The following CD99L2 variants were observed in gnomAD, a reference collection of about 807,000 sequenced individuals.
CD99L2 encodes the protein CD99 molecule like 2, also known as CD99 antigen-like protein 2.
CD99L2 carries 24 observed loss-of-function variants against 27.3 expected under a neutral mutation model. That is an observed-to-expected ratio of 0.88 (90% CI 0.64 to 1.24). CD99L2 has a LOEUF of 1.24. CD99L2 is among the 50% of genes most tolerant of loss of function. The pLI is 0.00. For missense variants in CD99L2, 255 were observed against 221.6 expected, an observed-to-expected ratio of 1.15 and a Z score of -0.96; for synonymous variants, 97 against 87.9, an observed-to-expected ratio of 1.10 and a Z score of -0.58.
intron 7 of CD99L2, among the ~76,000 whole-genome samples, chrX:150,783,133 G>A (rs931416862): frequency 2.0e-5 from 2 of 98,575 alleles, no homozygotes; most frequent in Non-Finnish European, 4.1e-5. Flanking sequence ...ATCACACACC[G>A]GGGCCTGTCG....
At chrX:150,785,572 C>T (rs782037245) in intron 7 of CD99L2, among the ~76,000 whole-genome samples, 1 of 111,307 alleles carries the variant, frequency 9.0e-6, no homozygotes, top group Non-Finnish European at 1.9e-5. Flanking sequence ...GACAGATGCA[C>T]ACAACTATGA....
intron 1 of CD99L2, among the ~76,000 whole-genome samples, chrX:150,885,486 A>G (rs1047329520): frequency 3.6e-5 from 4 of 112,378 alleles, no homozygotes; most frequent in Non-Finnish European, 7.5e-5. Context: ...GTTTGATGCC[A>G]ATAATGTGAA....
intron 1 of CD99L2, among the ~76,000 whole-genome samples, chrX:150,867,892 C>CAAA (rs782516457): frequency 1.0e-4 from 2 of 19,231 alleles, no homozygotes; most frequent in Non-Finnish European, 1.6e-4. Flanking sequence ...GACTCTGTCT[C>CAAA]AAAAAAAAAA....
chrX:150,780,575 G>A (rs1389355526), intron 7 of CD99L2, among the ~76,000 whole-genome samples: 2 of 111,424 alleles, frequency 1.8e-5, no homozygotes, highest in African/African-American at 6.5e-5. Flanking sequence ...TGAATAAAAT[G>A]TTTATGGAAT....
At chrX:150,857,358 A>ACC (rs1169490738) in intron 1 of CD99L2, among the ~76,000 whole-genome samples, 4 of 110,854 alleles carry the variant, frequency 3.6e-5, no homozygotes, top group African/African-American at 1.3e-4. Flanking sequence ...ACCCATAAAA[A>ACC]CAGCAAGAGA....
At chrX:150,836,366 G>A (rs1557421195) in intron 1 of CD99L2, among the ~76,000 whole-genome samples, 1 of 110,278 alleles carries the variant, frequency 9.1e-6, no homozygotes, top group African/African-American at 3.3e-5. Context: ...TTTCCGAGAT[G>A]GAGTTTCGCT....
At chrX:150,845,662 A>G (rs1325689320) in intron 1 of CD99L2, among the ~76,000 whole-genome samples, 1 of 111,658 alleles carries the variant, frequency 9.0e-6, no homozygotes, top group African/African-American at 3.3e-5. Context: ...GGGGTCCTAG[A>G]GCAATCACTT....
intron 4 of CD99L2, among the ~76,000 whole-genome samples, chrX:150,802,301 C>T (rs1191970868): frequency 2.7e-5 from 3 of 111,048 alleles, no homozygotes; most frequent in African/African-American, 6.5e-5. Flanking sequence ...CGGTGGCTCA[C>T]GCCTATAATG....
rs183581961 is a variant in CD99L2 at position 150,884,944 on chromosome X, C to T, written c.67+13578G>A. Among the ~76,000 whole-genome samples the T allele has an allele frequency of 1.5e-4, 17 of 112,040 alleles. No homozygotes were observed. In the East Asian group the frequency reaches 4.5e-3, roughly 29 times the overall value. ...CAAACAGTGGAATAACATATAGCAA[C>T]GAAAACAAATGAACTACAGTGACAC... On this transcript the variant is annotated intron_variant, in intron 1 of 10. Coordinates refer to ENST00000370377, the MANE Select transcript of CD99L2 (RefSeq NM_031462.4).
At chrX:150,848,361 G>T (rs1444350690) in intron 1 of CD99L2, among the ~76,000 whole-genome samples, 1 of 110,241 alleles carries the variant, frequency 9.1e-6, no homozygotes, top group South Asian at 3.8e-4. Flanking sequence ...AGAGATAGAT[G>T]GTAGAATGAT....
chrX:150,897,526 A>AGTGTGTGTGTGTGT (rs58656065), intron 1 of CD99L2, among the ~76,000 whole-genome samples: 83 of 103,839 alleles, frequency 8.0e-4, no homozygotes, highest in African/African-American at 2.6e-3. Flanking sequence ...ACTAGGACAA[A>AGTGTGTGTGTGTGT]GTGTGTGTGT....
chrX:150,887,453 T>G (rs1361510322), intron 1 of CD99L2, among the ~76,000 whole-genome samples: 3 of 97,952 alleles, frequency 3.1e-5, no homozygotes, highest in South Asian at 4.6e-4. Flanking sequence ...TCTCCAGAAA[T>G]AAATAAATAA....
intron 7 of CD99L2, among the ~76,000 whole-genome samples, chrX:150,793,212 CTT>C (rs1557419760): frequency 8.9e-6 from 1 of 112,032 alleles, no homozygotes; most frequent in East Asian, 2.8e-4. Context: ...CATGAACTCT[CTT>C]GAACTATTTT....
intron 7 of CD99L2, 114 bp from the exon 8 acceptor site, chrX:150,777,596 G>A: frequency 1.3e-6 from 1 of 763,240 alleles, no homozygotes; most frequent in South Asian, 2.5e-5. Flanking sequence ...TATGCGACAA[G>A]ACCCCCACCA....
intron 1 of CD99L2, among the ~76,000 whole-genome samples, chrX:150,840,216 A>G (rs2046601882): frequency 2.7e-5 from 3 of 109,406 alleles, no homozygotes. Flanking sequence ...AGAAAAAAGA[A>G]AAAAGAAAGA....
chrX:150,824,209 A>G (rs1276522533), intron 2 of CD99L2, among the ~76,000 whole-genome samples: 9 of 59,079 alleles, frequency 1.5e-4, no homozygotes, highest in African/African-American at 3.2e-4. Context: ...AGGAGGAGGA[A>G]GAGGAGGAGG....
At position 150,843,796 on chromosome X, in the gene CD99L2, C is replaced by A. The variant is rs1373301664; in HGVS notation, c.68-12503G>T. Among the ~76,000 whole-genome samples the A allele has an allele frequency of 1.8e-4, 20 of 111,330 alleles. No individual in the cohort carries two copies. In the Admixed American group the frequency reaches 1.8e-3, roughly 10 times the overall value. ...TTCCATTTCTCTGCCTTAATGGAGG[C>A]TAAGTACTCACACTATCCCTACGTT... On this transcript the variant is annotated intron_variant, in intron 1 of 10. Coordinates refer to ENST00000370377, the MANE Select transcript of CD99L2 (RefSeq NM_031462.4).
chrX:150,814,008 A>T (rs1557420405), intron 4 of CD99L2, among the ~76,000 whole-genome samples: 1 of 112,161 alleles, frequency 8.9e-6, no homozygotes, highest in Non-Finnish European at 1.9e-5. Flanking sequence ...AGTTTCCCCA[A>T]TGCATATTTT....
chrX:150,876,791 C>A (rs2047234620), intron 1 of CD99L2, among the ~76,000 whole-genome samples: 1 of 112,103 alleles, frequency 8.9e-6, no homozygotes, highest in South Asian at 3.7e-4. Context: ...CTTTGAATTA[C>A]CTCTTTAAAA....
Sources: gnomAD v4.1 joint callset for allele counts (sites outside exome capture counted in the v4.1 genomes callset) on GRCh38, gnomAD v4.1.1 for gene constraint, MANE v1.5 for transcripts, NCBI Gene and HGNC (gene_info 2026-07-23, HGNC 2026-07-21) for gene names.